Variants in AR observed in about 807,000 individuals in gnomAD.
AR encodes the protein androgen receptor.
A neutral mutation model predicts 53.9 loss-of-function variants in AR; 8 were observed. The observed-to-expected ratio is 0.15, with a 90% CI of 0.09 to 0.27. The LOEUF (loss-of-function observed/expected upper bound fraction) is 0.27, where lower values mean the gene tolerates loss of function less well. AR is among the 10% of genes least tolerant of loss of function. The pLI is 1.00. For synonymous variants in AR, 359 were observed against 316.4 expected, an observed-to-expected ratio of 1.13 and a Z score of -1.43; for missense variants, 639 against 742.5, an observed-to-expected ratio of 0.86 and a Z score of 1.62.
rs2147530490 is a variant in AR at position 67,717,464 on chromosome X, C to T, written c.2174-14C>T. ...TACCCAGACTGACCACTGCCTCTGC[C>T]TCTTCTTCTCCAGGCTTCCGCAACT... On this transcript the variant is annotated splice_polypyrimidine_tract_variant and intron_variant, in intron 4 of 7. Coordinates refer to ENST00000374690, the MANE Select transcript of AR (RefSeq NM_000044.6). The T allele has an allele frequency of 8.3e-7, 1 of 1,211,389 alleles. No homozygotes were observed. Among genetic ancestry groups the T allele is most frequent in the Non-Finnish European group, 1.1e-6 (1 of 895,426 alleles).
At chrX:67,553,424 A>G (rs753489747) in intron 1 of AR, among the ~76,000 whole-genome samples, 1 of 112,061 alleles carries the variant, frequency 8.9e-6, no homozygotes, top group African/African-American at 3.2e-5. Flanking sequence ...GTTTATTCCT[A>G]TGCCGGTACC....
chrX:67,648,496 C>T (rs1319072704), intron 2 of AR, among the ~76,000 whole-genome samples: 2 of 111,378 alleles, frequency 1.8e-5, no homozygotes, highest in South Asian at 3.8e-4. Flanking sequence ...TGTGGATCTG[C>T]CATATATTAC....
intron 1 of AR, among the ~76,000 whole-genome samples, chrX:67,613,428 G>A (rs1325958930): frequency 9.0e-6 from 1 of 111,708 alleles, no homozygotes; most frequent in Non-Finnish European, 1.9e-5. Flanking sequence ...GGAGATCTTG[G>A]TGGTGAGCAA....
chrX:67,672,108 C>T, intron 2 of AR, among the ~76,000 whole-genome samples: 1 of 111,204 alleles, frequency 9.0e-6, no homozygotes, highest in Non-Finnish European at 1.9e-5. Flanking sequence ...TATTCCTCAC[C>T]CTCTCTCAAC....
At chrX:67,642,373 G>A (rs1436369596) in intron 1 of AR, among the ~76,000 whole-genome samples, 3 of 111,728 alleles carry the variant, frequency 2.7e-5, no homozygotes, top group African/African-American at 9.7e-5. Flanking sequence ...TTCCATGAAG[G>A]TTTTAGGATT....
intron 1 of AR, among the ~76,000 whole-genome samples, chrX:67,633,770 G>C (rs973287860): frequency 9.0e-6 from 1 of 111,716 alleles, no homozygotes; most frequent in African/African-American, 3.3e-5. Flanking sequence ...CAACATGGAT[G>C]AACCTTGAAA....
chrX:67,714,257 G>A (rs1365060502), intron 4 of AR, among the ~76,000 whole-genome samples: 1 of 111,994 alleles, frequency 8.9e-6, no homozygotes, highest in Admixed American at 9.5e-5. Context: ...GTCCTCATTT[G>A]TAAGATGATA....
chrX:67,577,441 G>A (rs776967504), intron 1 of AR, among the ~76,000 whole-genome samples: 4 of 110,943 alleles, frequency 3.6e-5, no homozygotes, highest in Admixed American at 1.9e-4. Flanking sequence ...ATGAACGTTC[G>A]TGTACAAGTT....
intron 1 of AR, among the ~76,000 whole-genome samples, chrX:67,636,283 C>A (rs1296416668): frequency 1.8e-5 from 2 of 111,624 alleles, no homozygotes; most frequent in Non-Finnish European, 3.8e-5. Flanking sequence ...CCCAGCCTCC[C>A]CTCAGAGGTA....
intron 1 of AR, among the ~76,000 whole-genome samples, chrX:67,634,581 G>A (rs888967223): frequency 8.9e-6 from 1 of 112,000 alleles, no homozygotes; most frequent in African/African-American, 3.2e-5. Context: ...TTATTAAAGA[G>A]AATTGAAAAG....
chrX:67,643,925 C>A (rs978907185), intron 2 of AR, among the ~76,000 whole-genome samples: 15 of 111,731 alleles, frequency 1.3e-4, no homozygotes, highest in Non-Finnish European at 1.9e-4. Context: ...TTGTGGCCTC[C>A]TTGGGACCTG....
intron 2 of AR, among the ~76,000 whole-genome samples, chrX:67,660,823 A>G (rs1926862231): frequency 9.0e-6 from 1 of 111,297 alleles, no homozygotes; most frequent in African/African-American, 3.3e-5. Context: ...CATTTTCACA[A>G]TATTGATTCT....
intron 1 of AR, among the ~76,000 whole-genome samples, chrX:67,601,642 A>T (rs1366731682): frequency 1.8e-5 from 2 of 112,214 alleles, no homozygotes; most frequent in African/African-American, 3.2e-5. Context: ...CCTGCAGAAA[A>T]CTGTAAGAAA....
At position 67,728,316 on chromosome X, in the gene AR, G is replaced by A. The variant is rs1569318031; in HGVS notation, c.*4475G>A. 1 of 164,417 alleles carries A rather than the reference G, an allele frequency of 6.1e-6. No individual in the cohort carries two copies. The highest frequency in any genetic ancestry group is 8.8e-5 in the East Asian group (1 of 11,334). The allele number at this position is 164,417 out of a possible 1,213,427, so 13.5% of individuals were successfully genotyped here. ...TCTAGTAGTTGCTGAGCAAATTGTT[G>A]AAGCTCCATCATTGCATGGTTGGAA... On this transcript the variant is annotated 3_prime_UTR_variant, in exon 8 of 8. Coordinates refer to ENST00000374690, the MANE Select transcript of AR (RefSeq NM_000044.6).
intron 3 of AR, among the ~76,000 whole-genome samples, chrX:67,710,474 C>A (rs772262813): frequency 3.6e-5 from 4 of 110,463 alleles, no homozygotes; most frequent in Non-Finnish European, 7.6e-5. Context: ...ATGTGCACCA[C>A]CAGACCCAGC....
At chrX:67,627,313 G>A (rs1461313379) in intron 1 of AR, among the ~76,000 whole-genome samples, 1 of 111,547 alleles carries the variant, frequency 9.0e-6, no homozygotes, top group Non-Finnish European at 1.9e-5. Context: ...ACTTTTTAAT[G>A]ATTGCCATTC....
At chrX:67,585,137 T>C (rs1159117142) in intron 1 of AR, among the ~76,000 whole-genome samples, 4 of 108,644 alleles carry the variant, frequency 3.7e-5, no homozygotes, top group African/African-American at 1.3e-4. Context: ...ATGCCTGTAA[T>C]CCCAGCTACT....
rs879021764 is a variant in AR, at chrX:67,711,492, A to G, written c.1976A>G (p.Lys659Arg). 6.6e-6 allele frequency: 8 copies of G among 1,209,298 alleles called. No individual in the cohort carries two copies. The East Asian group carries it at 8.9e-5, about 13-fold the overall frequency. Residue 659 changes from lysine to arginine, a missense_variant, in exon 4 of 8, where the codon AAG (lysine) becomes AGG (arginine). Around this residue, in one of 5 missense-constraint regions of AR, gnomAD observed 47 missense variants for 35.9 expected, o/e 1.31. Transcript: ENST00000374690. ...AGCCCCACTGAGGAGACAACCCAGA[A>G]GCTGACAGTGTCACACATTGAAGGC... ...TTSPTEETTQ[K>R]LTVSHIEGYE...
chrX:67,576,407 T>G (rs1413481831), intron 1 of AR, among the ~76,000 whole-genome samples: 1 of 110,588 alleles, frequency 9.0e-6, no homozygotes, highest in African/African-American at 3.3e-5. Flanking sequence ...GATGTGCCTG[T>G]GGAAGAGCTA....
Sources: gnomAD v4.1 joint callset for allele counts (sites outside exome capture counted in the v4.1 genomes callset) on GRCh38, gnomAD v4.1.1 for gene constraint, gnomAD v4.1.1 regional missense constraint, MANE v1.5 for transcripts, NCBI Gene and HGNC (gene_info 2026-07-23, HGNC 2026-07-21) for gene names.